The following TACR1 variants were observed in gnomAD, a reference collection of about 807,000 sequenced individuals.
TACR1 encodes the protein tachykinin receptor 1, also known as substance-P receptor.
TACR1 carries 25 observed loss-of-function variants against 35.8 expected under a neutral mutation model. That is an observed-to-expected ratio of 0.70 (90% CI 0.51 to 0.98). The LOEUF is 0.98. Ranked by LOEUF, TACR1 falls within the 50% of genes least tolerant of loss-of-function variation. The pLI is 0.00. For missense variants in TACR1, 478 were observed against 522.9 expected, an observed-to-expected ratio of 0.91 and a Z score of 0.84; for synonymous variants, 195 against 206.7, an observed-to-expected ratio of 0.94 and a Z score of 0.48.
At chr2:75,050,106 C>G (rs1304755720) in intron 4 of TACR1, among the ~76,000 whole-genome samples, 1 of 152,226 alleles carries the variant, frequency 6.6e-6, no homozygotes, top group East Asian at 1.9e-4. Context: ...GGTAAAAACA[C>G]ATATCAAGAT....
At chr2:75,160,529 G>T (rs554569086) in intron 1 of TACR1, among the ~76,000 whole-genome samples, 126 of 151,972 alleles carry the variant, frequency 8.3e-4, no homozygotes, top group African/African-American at 3.0e-3. Context: ...GGACAAAAAG[G>T]CAGGAATAAA....
At chr2:75,164,737 C>T (rs555872669) in intron 1 of TACR1, among the ~76,000 whole-genome samples, 59 of 152,300 alleles carry the variant, frequency 3.9e-4, no homozygotes, top group African/African-American at 1.3e-3. Context: ...ACACTGGCTC[C>T]GAGTGCTCCT....
chr2:75,050,075 G>A (rs935467289), intron 4 of TACR1, among the ~76,000 whole-genome samples: 10 of 152,220 alleles, frequency 6.6e-5, no homozygotes, highest in African/African-American at 2.4e-4. Context: ...TATGTGCACA[G>A]CACTGTGCTA....
intron 2 of TACR1, among the ~76,000 whole-genome samples, chr2:75,114,338 G>C (rs1673809856): frequency 6.6e-6 from 1 of 152,222 alleles, no homozygotes; most frequent in Admixed American, 6.5e-5. Flanking sequence ...CAGGGAAGCA[G>C]AAATTCCCAG....
intron 2 of TACR1, among the ~76,000 whole-genome samples, chr2:75,111,031 T>C (rs1219965641): frequency 6.6e-6 from 1 of 152,052 alleles, no homozygotes; most frequent in African/African-American, 2.4e-5. Context: ...CATATTCTTT[T>C]ATGAGCTATA....
At chr2:75,081,791 T>G (rs72807363) in intron 2 of TACR1, among the ~76,000 whole-genome samples, 4,285 of 152,222 alleles carry the variant, frequency 0.028, 86 homozygotes, top group Non-Finnish European at 0.042. Flanking sequence ...ACCTATAACT[T>G]AAATATTTAG....
intron 2 of TACR1, among the ~76,000 whole-genome samples, chr2:75,061,504 G>A (rs1013013712): frequency 3.3e-5 from 5 of 152,146 alleles, no homozygotes; most frequent in Non-Finnish European, 5.9e-5. Context: ...TTGGTTGAAA[G>A]GATAGGGGAT....
intron 2 of TACR1, among the ~76,000 whole-genome samples, chr2:75,111,273 G>T (rs1673745175): frequency 6.6e-6 from 1 of 151,966 alleles, no homozygotes; most frequent in South Asian, 2.1e-4. Flanking sequence ...GTTATGCATT[G>T]AAAGCCTCTA....
At chr2:75,067,385 G>GGCTAT (rs1672784900) in intron 2 of TACR1, among the ~76,000 whole-genome samples, 1 of 152,116 alleles carries the variant, frequency 6.6e-6, no homozygotes, top group South Asian at 2.1e-4. Flanking sequence ...GGGAAGAGGA[G>GGCTAT]GCTGCATAGT....
At chr2:75,126,647 C>G (rs954810275) in intron 1 of TACR1, among the ~76,000 whole-genome samples, 1 of 152,144 alleles carries the variant, frequency 6.6e-6, no homozygotes, top group African/African-American at 2.4e-5. Context: ...CAAATGGGAT[C>G]TAATTAAACT....
intron 1 of TACR1, among the ~76,000 whole-genome samples, chr2:75,149,479 G>A (rs1435315842): frequency 1.3e-5 from 2 of 151,984 alleles, no homozygotes; most frequent in Non-Finnish European, 2.9e-5. Flanking sequence ...CTATTCCTGG[G>A]TATTTGATTC....
chr2:75,176,016 A>G (rs1398069937), intron 1 of TACR1, among the ~76,000 whole-genome samples: 1 of 146,604 alleles, frequency 6.8e-6, no homozygotes, highest in Non-Finnish European at 1.5e-5. Context: ...GCTGTCCAAA[A>G]AAAAAAAAAA....
chr2:75,136,750 G>A (rs1373685313), intron 1 of TACR1, among the ~76,000 whole-genome samples: 1 of 152,156 alleles, frequency 6.6e-6, no homozygotes, highest in Non-Finnish European at 1.5e-5. Flanking sequence ...TTAAGAAATT[G>A]TAATTGTTAT....
intron 1 of TACR1, among the ~76,000 whole-genome samples, chr2:75,156,590 G>A (rs192991536): frequency 2.2e-4 from 29 of 130,632 alleles, no homozygotes; most frequent in Middle Eastern, 4.7e-3. Flanking sequence ...GTAACAGAGC[G>A]AGACTCCGTC....
At chr2:75,177,760 C>T (rs1185028566) in intron 1 of TACR1, among the ~76,000 whole-genome samples, 1 of 152,196 alleles carries the variant, frequency 6.6e-6, no homozygotes, top group Admixed American at 6.5e-5. Flanking sequence ...TCTATGCCTA[C>T]ATGACAGGAA....
intron 1 of TACR1, among the ~76,000 whole-genome samples, chr2:75,147,579 G>T (rs1363825700): frequency 6.6e-6 from 1 of 152,000 alleles, no homozygotes; most frequent in African/African-American, 2.4e-5. Context: ...CTGCTCCACA[G>T]GCCCCAGCAT....
chr2:75,137,601 C>T (rs1182753787), intron 1 of TACR1, among the ~76,000 whole-genome samples: 3 of 151,506 alleles, frequency 2.0e-5, no homozygotes, highest in East Asian at 1.9e-4. Context: ...TGGTGGCGGG[C>T]GACTGTAGTC....
At chr2:75,155,648 A>G (rs11126454) in intron 1 of TACR1, among the ~76,000 whole-genome samples, 87,198 of 152,088 alleles carry the variant, frequency 0.57, 25,244 homozygotes, top group Middle Eastern at 0.62. Context: ...AAAATCACCA[A>G]TTACCCTCCA....
chr2:75,158,051 GA>G (rs1191151876), intron 1 of TACR1, among the ~76,000 whole-genome samples: 8 of 152,198 alleles, frequency 5.3e-5, no homozygotes, highest in African/African-American at 1.7e-4. Context: ...CTGAGAAATG[GA>G]AACCTAGCTG....
Sources: allele counts gnomAD v4.1 joint callset (sites outside exome capture counted in the v4.1 genomes callset), GRCh38; gene constraint gnomAD v4.1.1; transcripts MANE v1.5; gene names NCBI Gene and HGNC (gene_info 2026-07-23, HGNC 2026-07-21).